The following PLCB1 variants were observed in gnomAD, a reference collection of about 807,000 sequenced individuals.
PLCB1 encodes the protein phospholipase C beta 1.
PLCB1 carries 46 observed loss-of-function variants against 161.8 expected under a neutral mutation model. The observed-to-expected ratio is 0.28, with a 90% CI of 0.22 to 0.36. The LOEUF (loss-of-function observed/expected upper bound fraction) is 0.36, where lower values mean the gene tolerates loss of function less well. PLCB1 is among the 10% of genes least tolerant of loss of function. The pLI is 1.00. For synonymous variants in PLCB1, 517 were observed against 503.7 expected, an observed-to-expected ratio of 1.03 and a Z score of -0.35; for missense variants, 1,016 against 1,472.5, an observed-to-expected ratio of 0.69 and a Z score of 5.07.
rs1459360147 is a variant in PLCB1, at chr20:8,139,113, G to A, written c.99+6363G>A. 3.8e-5 allele frequency among the ~76,000 whole-genome samples: 4 copies of A among 105,182 alleles called. No homozygotes were observed. In the East Asian group the frequency reaches 1.1e-3, roughly 29 times the overall value. The allele number at this position is 105,182 out of a possible 152,430, so 69.0% of individuals were successfully genotyped here. A position where few individuals can be genotyped will look rare whatever the true frequency, so the allele number is the denominator to read the frequency against. On this transcript the variant is annotated intron_variant, in intron 1 of 31. Transcript: ENST00000338037. Reference sequence around the variant, plus strand: ...TTTTTTTTTTTTTTTTTGAGACAGAGTCTTGCTCTGTCACCCAGGCTAGAG... The same window carrying A: ...TTTTTTTTTTTTTTTTTGAGACAGAATCTTGCTCTGTCACCCAGGCTAGAG...
At chr20:8,824,043 T>A (rs1298641743) in intron 31 of PLCB1, among the ~76,000 whole-genome samples, 5 of 152,066 alleles carry the variant, frequency 3.3e-5, no homozygotes, top group Admixed American at 6.5e-5. Context: ...ACATCTTATC[T>A]CCTTGCTTGT....
chr20:8,540,791 T>C (rs1015986665), intron 3 of PLCB1, among the ~76,000 whole-genome samples: 1 of 152,136 alleles, frequency 6.6e-6, no homozygotes, highest in South Asian at 2.1e-4. Flanking sequence ...AAGGCAACAT[T>C]GTTAGACCTA....
intron 3 of PLCB1, among the ~76,000 whole-genome samples, chr20:8,558,925 CT>C (rs1473413900): frequency 6.6e-6 from 1 of 151,742 alleles, no homozygotes; most frequent in Non-Finnish European, 1.5e-5. Flanking sequence ...TAGACCTGTC[CT>C]ACAAGAAATG....
At chr20:8,500,235 CAG>C (rs936346089) in intron 3 of PLCB1, among the ~76,000 whole-genome samples, 4 of 152,106 alleles carry the variant, frequency 2.6e-5, no homozygotes, top group African/African-American at 9.7e-5. Flanking sequence ...ACAAAGGAGA[CAG>C]AACATTTTAA....
chr20:8,876,434 C>T (rs951578778), intron 31 of PLCB1, among the ~76,000 whole-genome samples: 1 of 151,938 alleles, frequency 6.6e-6, no homozygotes, highest in Non-Finnish European at 1.5e-5. Context: ...GATTTTTTTT[C>T]CAAGAATATG....
rs140497695 is a variant in PLCB1, at chr20:8,842,461, G to A, written c.3424-39161G>A. Among the ~76,000 whole-genome samples the A allele has an allele frequency of 4.5e-4, 69 of 152,260 alleles. 2 individuals carry two copies. The highest frequency in any genetic ancestry group is 1.6e-3 in the African/African-American group (68 of 41,562). ...GAAGTGTTTTGTATTATTTCGATTT[G>A]AACTTAAGAGATTATGTGGATTCTG... On this transcript the variant is annotated intron_variant, in intron 31 of 31. Transcript: ENST00000338037.
intron 3 of PLCB1, among the ~76,000 whole-genome samples, chr20:8,402,678 C>CAAAA (rs34206983): frequency 9.0e-6 from 1 of 111,638 alleles, no homozygotes; most frequent in Non-Finnish European, 1.9e-5. Flanking sequence ...ACTAAAAATA[C>CAAAA]AAAAAAAAAA....
intron 3 of PLCB1, among the ~76,000 whole-genome samples, chr20:8,582,563 C>A (rs1399013036): frequency 6.6e-6 from 1 of 152,150 alleles, no homozygotes; most frequent in African/African-American, 2.4e-5. Flanking sequence ...CTGAGAGCTT[C>A]TCTCAATGAA....
intron 9 of PLCB1, among the ~76,000 whole-genome samples, chr20:8,665,835 C>T (rs1989797509): frequency 6.6e-6 from 1 of 152,154 alleles, no homozygotes; most frequent in South Asian, 2.1e-4. Context: ...AATAGGCTGG[C>T]ATAGTGTCAT....
At chr20:8,372,200 G>A (rs1297904062) in intron 3 of PLCB1, 1 of 152,148 alleles carries the variant, frequency 6.6e-6, no homozygotes, top group African/African-American at 2.4e-5. Context: ...TAGAAGTACA[G>A]TTGCCATTTA....
intron 3 of PLCB1, among the ~76,000 whole-genome samples, chr20:8,547,178 GCTA>G (rs34846779): frequency 0.31 from 47,231 of 151,964 alleles, 7,976 homozygotes; most frequent in Non-Finnish European, 0.38. Context: ...GTTTCTTCAG[GCTA>G]CTAAGCATCA....
intron 12 of PLCB1, among the ~76,000 whole-genome samples, chr20:8,709,688 G>T (rs1978886494): frequency 6.6e-6 from 1 of 152,194 alleles, no homozygotes; most frequent in Admixed American, 6.5e-5. Flanking sequence ...TCAACTTGAA[G>T]AATTTCTAAG....
At chr20:8,869,157 C>T (rs1368228390) in intron 31 of PLCB1, among the ~76,000 whole-genome samples, 5 of 151,922 alleles carry the variant, frequency 3.3e-5, no homozygotes, top group African/African-American at 1.2e-4. Context: ...TAGTAACTTT[C>T]TGTTTGACAA....
chr20:8,547,058 T>C (rs1985578861), intron 3 of PLCB1, among the ~76,000 whole-genome samples: 1 of 152,164 alleles, frequency 6.6e-6, no homozygotes, highest in Non-Finnish European at 1.5e-5. Flanking sequence ...AACAAATGCT[T>C]ACATTTCTAG....
chr20:8,814,952 A>G (rs770827267), intron 31 of PLCB1, among the ~76,000 whole-genome samples: 4 of 152,158 alleles, frequency 2.6e-5, no homozygotes, highest in Non-Finnish European at 5.9e-5. Flanking sequence ...CTTAGCAAAC[A>G]GATTCCCCAA....
At chr20:8,251,143 A>T (rs182982179) in intron 2 of PLCB1, among the ~76,000 whole-genome samples, 1 of 152,070 alleles carries the variant, frequency 6.6e-6, no homozygotes, top group African/African-American at 2.4e-5. Flanking sequence ...GTGCAAAGGG[A>T]CAAACAGGCT....
intron 4 of PLCB1, among the ~76,000 whole-genome samples, chr20:8,644,441 C>T (rs1318964874): frequency 6.6e-6 from 1 of 150,998 alleles, no homozygotes; most frequent in Admixed American, 6.6e-5. Flanking sequence ...GCGCCTCTGC[C>T]CCGCCGCCCC....
At chr20:8,705,393 C>T (rs1446296381) in intron 11 of PLCB1, among the ~76,000 whole-genome samples, 2 of 152,086 alleles carry the variant, frequency 1.3e-5, no homozygotes, top group African/African-American at 4.8e-5. Flanking sequence ...GAAAGTATTT[C>T]CTGAGCATCT....
At chr20:8,402,649 A>G (rs1226715918) in intron 3 of PLCB1, among the ~76,000 whole-genome samples, 2 of 150,812 alleles carry the variant, frequency 1.3e-5, no homozygotes, top group Non-Finnish European at 3.0e-5. Flanking sequence ...CCTGGCTAAC[A>G]TGGTGAAATC....
Sources: allele counts gnomAD v4.1 joint callset (sites outside exome capture counted in the v4.1 genomes callset), GRCh38; gene constraint gnomAD v4.1.1; transcripts MANE v1.5; gene names NCBI Gene and HGNC (gene_info 2026-07-23, HGNC 2026-07-21).